The following CDC42BPB variants were observed in gnomAD, a reference collection of about 807,000 sequenced individuals.
The protein encoded by CDC42BPB is CDC42 binding protein kinase beta.
In CDC42BPB, 37 loss-of-function variants were observed where a neutral mutation model predicts 214.9. The observed-to-expected ratio is 0.17, with a 90% CI of 0.13 to 0.23. The LOEUF (loss-of-function observed/expected upper bound fraction) is 0.23. Ranked by LOEUF, CDC42BPB falls within the 10% of genes least tolerant of loss-of-function variation. CDC42BPB has a pLI of 1.00. For synonymous variants in CDC42BPB, 931 were observed against 884.0 expected (o/e 1.05, Z -0.94); for missense variants, 1,694 against 2,227.0 (o/e 0.76, Z 4.82).
At position 102,984,733 on chromosome 14, in the gene CDC42BPB, A is replaced by G. The variant is rs902321182; in HGVS notation, c.691-977T>C. Among the ~76,000 whole-genome samples, 7 of 152,122 alleles carry G rather than the reference A, an allele frequency of 4.6e-5. No homozygotes were observed. The East Asian group carries it at 9.7e-4, about 21-fold the overall frequency. On this transcript the variant is annotated intron_variant, in intron 6 of 36. Transcript: ENST00000361246. ...ACTGAGGCTCAGGCAGGAACTGGAG[A>G]CAACAACCACAGGCCTGTCTGGGGA...
chr14:102,959,516 C>G (rs1892861018), intron 21 of CDC42BPB, 115 bp downstream of exon 21: 1 of 706,470 alleles, frequency 1.4e-6, no homozygotes, highest in African/African-American at 1.8e-5. Context: ...GAGATAAACA[C>G]TGAATGTATA....
intron 22 of CDC42BPB, 56 bp from the exon 23 acceptor site, chr14:102,954,331 C>T: frequency 1.4e-6 from 2 of 1,444,504 alleles, no homozygotes; most frequent in Non-Finnish European, 9.2e-7. Context: ...GCTGAGACAC[C>T]TGGCCCTACG....
chr14:102,968,785 C>T, intron 14 of CDC42BPB, 69 bp from the exon 15 acceptor site: 2 of 1,578,028 alleles, frequency 1.3e-6, no homozygotes, highest in Non-Finnish European at 1.7e-6. Flanking sequence ...CCTTTCAACC[C>T]CTTTCATCCC....
chr14:102,991,575 T>A (rs948310850), intron 5 of CDC42BPB, among the ~76,000 whole-genome samples: 1 of 152,204 alleles, frequency 6.6e-6, no homozygotes, highest in Admixed American at 6.5e-5. Context: ...GTAGTGTAAG[T>A]AAGAATTTTG....
Position 103,004,168 on chromosome 14 carries a change from G to A in CDC42BPB, c.352-145C>T. ...GCTCCTCCTCGTGCACCACCCCGAGGCTGCTGAGGCTGAGCCATCCCTCAT... is the reference window on the plus strand; with the variant it reads ...GCTCCTCCTCGTGCACCACCCCGAGACTGCTGAGGCTGAGCCATCCCTCAT... On this transcript the variant is annotated intron_variant, in intron 3 of 36. Coordinates refer to ENST00000361246, the MANE Select transcript of CDC42BPB (RefSeq NM_006035.4). This position sits in a 1 kb window ranked among gnomAD's most constrained non-coding sequence, Gnocchi z 5.3. 2 of 1,391,050 alleles carry A rather than the reference G, an allele frequency of 1.4e-6. No individual in the cohort carries two copies. The highest frequency in any genetic ancestry group is 1.4e-5 in the African/African-American group (1 of 69,042). The allele number at this position is 1,391,050 out of a possible 1,614,324, so 86.2% of individuals were successfully genotyped here.
intron 21 of CDC42BPB, chr14:102,956,458 T>C (rs1892709622): frequency 1.0e-6 from 1 of 981,300 alleles, no homozygotes; most frequent in African/African-American, 1.8e-5. Context: ...TTCAAAAGAG[T>C]CTGGAAGCTC....
At chr14:103,006,898 A>G (rs547381613) in intron 3 of CDC42BPB, among the ~76,000 whole-genome samples, 55 of 152,314 alleles carry the variant, frequency 3.6e-4, no homozygotes, top group African/African-American at 1.3e-3. Flanking sequence ...TTAGGTAAAT[A>G]CCAAACACCT....
chr14:103,030,763 C>G (rs934527848), intron 1 of CDC42BPB, among the ~76,000 whole-genome samples: 1 of 152,032 alleles, frequency 6.6e-6, no homozygotes, highest in Admixed American at 6.6e-5. Context: ...ACAGGTAGAT[C>G]ACTTACGCCT....
intron 36 of CDC42BPB, among the ~76,000 whole-genome samples, chr14:102,936,354 C>T (rs1891647432): frequency 1.3e-5 from 2 of 152,182 alleles, no homozygotes; most frequent in African/African-American, 4.8e-5. Context: ...CCAAATGTGC[C>T]TCAGGGGAAG....
intron 1 of CDC42BPB, chr14:103,012,398 G>T: frequency 4.5e-6 from 2 of 448,502 alleles, no homozygotes; most frequent in Non-Finnish European, 2.9e-6. Flanking sequence ...GGGTAACACT[G>T]TTGCAGCCAC....
chr14:103,033,343 TC>T (rs1371933078), intron 1 of CDC42BPB, among the ~76,000 whole-genome samples: 1 of 152,172 alleles, frequency 6.6e-6, no homozygotes, highest in Non-Finnish European at 1.5e-5. Context: ...TGCCTCAGCC[TC>T]CCAAGTAGCT....
rs748119984 is a variant in CDC42BPB at position 102,959,729 on chromosome 14, A to G, written c.2822-19T>C. On this transcript the variant is annotated intron_variant, in intron 20 of 36. Transcript: ENST00000361246. ...TTGAGCCCTGCAAAAAGAAACAAAG[A>G]ATAGTCAAGGCAAAAAAACTAAAGT... 1.2e-6 allele frequency: 2 copies of G among 1,603,870 alleles called. No individual in the cohort carries two copies. The highest frequency in any genetic ancestry group is 3.4e-5 in the Admixed American group (2 of 58,662).
chr14:103,014,746 T>C (rs909030099), intron 1 of CDC42BPB, among the ~76,000 whole-genome samples: 2 of 151,712 alleles, frequency 1.3e-5, no homozygotes, highest in African/African-American at 4.8e-5. Context: ...TCAGCAGAGA[T>C]CAGGAAACAG....
intron 24 of CDC42BPB, among the ~76,000 whole-genome samples, chr14:102,951,808 G>C (rs1460013853): frequency 6.6e-6 from 1 of 151,814 alleles, no homozygotes; most frequent in Non-Finnish European, 1.5e-5. Flanking sequence ...TAGAAAAAAA[G>C]AAAAAAAATA....
At chr14:103,000,307 G>A (rs1165141687) in intron 4 of CDC42BPB, among the ~76,000 whole-genome samples, 2 of 152,268 alleles carry the variant, frequency 1.3e-5, no homozygotes, top group Admixed American at 6.5e-5. Flanking sequence ...TTCCCCGCGA[G>A]TTCCCTCGCC....
At chr14:103,040,988 A>G (rs1887956367) in intron 1 of CDC42BPB, among the ~76,000 whole-genome samples, 1 of 152,242 alleles carries the variant, frequency 6.6e-6, no homozygotes, top group Non-Finnish European at 1.5e-5. Flanking sequence ...CTTGAAAAAC[A>G]ACAAAGTTGG....
chr14:102,964,549 G>A lies in CDC42BPB; in HGVS notation c.2679C>T (p.Val893=), dbSNP rs146316587. Residue 893 remains valine, a synonymous_variant, in exon 19 of 37, where the codon GTC becomes GTT. Transcript: ENST00000361246. ...LEAEIRAKQL[V]QEELRKVKDA... is the part of the protein sequence containing the mutation. ...CCTTGACCTTCCTGAGCTCCTCCTG[G>A]ACAAGCTGCTTGGCCCGGATCTCCG... 6.2e-7 allele frequency: 1 copy of A among 1,613,856 alleles called. No homozygotes were observed.
intron 1 of CDC42BPB, among the ~76,000 whole-genome samples, chr14:103,023,260 C>T (rs1027518940): frequency 2.0e-5 from 3 of 151,340 alleles, no homozygotes; most frequent in South Asian, 2.1e-4. Flanking sequence ...CTCTGCCTCT[C>T]GGGTTCAAGC....
At chr14:102,956,043 AG>A (rs1234554138) in intron 21 of CDC42BPB, among the ~76,000 whole-genome samples, 1 of 152,260 alleles carries the variant, frequency 6.6e-6, no homozygotes, top group African/African-American at 2.4e-5. Flanking sequence ...CCCATAAACA[AG>A]GTATGTTAAG....
Sources: allele counts gnomAD v4.1 joint callset (sites outside exome capture counted in the v4.1 genomes callset), GRCh38; gene constraint gnomAD v4.1.1; non-coding constraint Gnocchi (gnomAD v3.1); transcripts MANE v1.5; gene names NCBI Gene and HGNC (gene_info 2026-07-23, HGNC 2026-07-21).